SRPK2: variants seen among roughly 807,000 people sequenced by gnomAD.
SRPK2 encodes SRSF protein kinase 2, also known as SFRS protein kinase 2.
SRPK2 carries 21 observed loss-of-function variants against 90.8 expected under a neutral mutation model. The observed-to-expected ratio is 0.23, with a 90% confidence interval of 0.16 to 0.33. The LOEUF (loss-of-function observed/expected upper bound fraction) is 0.33, where lower values mean the gene tolerates loss of function less well. Ranked by LOEUF, SRPK2 falls within the 10% of genes least tolerant of loss-of-function variation. SRPK2 has a pLI of 1.00. For synonymous variants in SRPK2, 288 were observed against 311.1 expected, an observed-to-expected ratio of 0.93 and a Z score of 0.78; for missense variants, 620 against 869.0, an observed-to-expected ratio of 0.71 and a Z score of 3.60.
At chr7:105,356,324 G>A (rs543609555) in intron 2 of SRPK2, among the ~76,000 whole-genome samples, 1 of 152,088 alleles carries the variant, frequency 6.6e-6, no homozygotes, top group Non-Finnish European at 1.5e-5. Flanking sequence ...GAGCATGAAG[G>A]AAACTAGAGA....
At chr7:105,390,634 G>A (rs1366240389), upstream of SRPK2, among the ~76,000 whole-genome samples, 4 of 86,804 alleles carry the variant, frequency 4.6e-5, no homozygotes, top group African/African-American at 2.3e-4. Flanking sequence ...TTTTTTTTTA[G>A]TAGAGACAGG....
intron 2 of SRPK2, among the ~76,000 whole-genome samples, chr7:105,355,862 C>T (rs906124772): frequency 6.6e-6 from 1 of 151,640 alleles, no homozygotes; most frequent in African/African-American, 2.4e-5. Context: ...CAGCCTGGCC[C>T]ACATGGTGAA....
chr7:105,292,294 G>C (rs536323716), intron 2 of SRPK2, among the ~76,000 whole-genome samples: 1 of 152,164 alleles, frequency 6.6e-6, no homozygotes, highest in East Asian at 1.9e-4. Flanking sequence ...AATCATCTGA[G>C]GTCAGGAGTT....
chr7:105,383,520 A>G (rs1821199446), intron 2 of SRPK2, among the ~76,000 whole-genome samples: 1 of 151,696 alleles, frequency 6.6e-6, no homozygotes, highest in Non-Finnish European at 1.5e-5. Context: ...TCCCAGGTTC[A>G]AGCAATTCTT....
intron 2 of SRPK2, among the ~76,000 whole-genome samples, chr7:105,370,427 G>A (rs1330094484): frequency 6.6e-6 from 1 of 151,986 alleles, no homozygotes; most frequent in Admixed American, 6.6e-5. Flanking sequence ...ACATACCCAA[G>A]TTTAATGCAT....
chr7:105,362,335 C>T (rs888665922), intron 2 of SRPK2, among the ~76,000 whole-genome samples: 22 of 151,934 alleles, frequency 1.4e-4, no homozygotes, highest in Non-Finnish European at 2.8e-4. Context: ...TGGCCGGGCG[C>T]GGTGGCTCAC....
intron 7 of SRPK2, among the ~76,000 whole-genome samples, chr7:105,153,322 A>C (rs182585188): frequency 9.2e-5 from 14 of 152,330 alleles, no homozygotes; most frequent in African/African-American, 3.4e-4. Flanking sequence ...GTTCAGAGAA[A>C]GTTCCTTCTT....
At chr7:105,397,360 C>T (rs1410404528) in intron 1 of SRPK2, among the ~76,000 whole-genome samples, 1 of 146,214 alleles carries the variant, frequency 6.8e-6, no homozygotes. Flanking sequence ...GATGAAGTCT[C>T]ATTCTGTTGC....
intron 2 of SRPK2, among the ~76,000 whole-genome samples, chr7:105,343,245 C>A (rs1816037149): frequency 6.6e-6 from 1 of 152,130 alleles, no homozygotes; most frequent in Non-Finnish European, 1.5e-5. Context: ...CCAGCCTGGG[C>A]AACCTTAATG....
At chr7:105,150,061 C>G (rs539870947) in intron 7 of SRPK2, among the ~76,000 whole-genome samples, 44 of 151,164 alleles carry the variant, frequency 2.9e-4, no homozygotes, top group Non-Finnish European at 5.8e-4. Flanking sequence ...AAAAAAAAAA[C>G]CAAGATGAAT....
At chr7:105,150,408 G>A (rs1034433320) in intron 7 of SRPK2, among the ~76,000 whole-genome samples, 7 of 152,138 alleles carry the variant, frequency 4.6e-5, no homozygotes, top group African/African-American at 1.2e-4. Context: ...GGTAGCACAC[G>A]CCTGTAATCC....
chr7:105,301,112 C>G (rs924694752), intron 2 of SRPK2, among the ~76,000 whole-genome samples: 1 of 152,156 alleles, frequency 6.6e-6, no homozygotes, highest in African/African-American at 2.4e-5. Context: ...GACTGGGAAC[C>G]AACCCAAATG....
At chr7:105,343,165 G>C (rs1418021838) in intron 2 of SRPK2, among the ~76,000 whole-genome samples, 1 of 152,186 alleles carries the variant, frequency 6.6e-6, no homozygotes, top group Non-Finnish European at 1.5e-5. Flanking sequence ...AGGAGCAGTG[G>C]TTTGCACCTG....
chr7:105,241,065 A>T (rs1800754905), intron 2 of SRPK2, among the ~76,000 whole-genome samples: 1 of 152,206 alleles, frequency 6.6e-6, no homozygotes, highest in Non-Finnish European at 1.5e-5. Context: ...AGAAAATAAA[A>T]TAAATTAGCT....
At chr7:105,152,401 C>T (rs1456786633) in intron 7 of SRPK2, among the ~76,000 whole-genome samples, 1 of 152,156 alleles carries the variant, frequency 6.6e-6, no homozygotes, top group Non-Finnish European at 1.5e-5. Flanking sequence ...CTACACATTT[C>T]GGCCTCCCAA....
At chr7:105,174,484 T>G (rs896737735) in intron 3 of SRPK2, among the ~76,000 whole-genome samples, 7 of 152,134 alleles carry the variant, frequency 4.6e-5, no homozygotes, top group Non-Finnish European at 8.8e-5. Flanking sequence ...GCCCTCTGAT[T>G]GTGGGGTTTC....
At chr7:105,156,375 C>G (rs1267969476) in intron 7 of SRPK2, among the ~76,000 whole-genome samples, 1 of 152,196 alleles carries the variant, frequency 6.6e-6, no homozygotes, top group Non-Finnish European at 1.5e-5. Context: ...GTGAGGAACT[C>G]AACTATGCAA....
At chr7:105,175,455 T>C (rs936933461) in intron 3 of SRPK2, among the ~76,000 whole-genome samples, 2 of 151,996 alleles carry the variant, frequency 1.3e-5, no homozygotes, top group Non-Finnish European at 2.9e-5. Flanking sequence ...GTTTCCACCT[T>C]AGAAAACTAA....
chr7:105,205,947 A>ACG (rs55912019), intron 2 of SRPK2: 1 of 518,906 alleles, frequency 1.9e-6, no homozygotes, highest in Non-Finnish European at 3.8e-6. Flanking sequence ...ACACACACAC[A>ACG]TTGAGTTTGC....
Sources: gnomAD v4.1 joint callset for allele counts (sites outside exome capture counted in the v4.1 genomes callset) on GRCh38, gnomAD v4.1.1 for gene constraint, MANE v1.5 for transcripts, NCBI Gene and HGNC (gene_info 2026-07-23, HGNC 2026-07-21) for gene names.